Variants in SUPT3H observed in about 807,000 individuals in gnomAD.
SUPT3H encodes the protein SPT3 homolog, SAGA and STAGA complex component.
SUPT3H carries 44 observed loss-of-function variants against 44.3 expected under a neutral mutation model. The ratio of observed to expected loss-of-function variants is 0.99; its 90% confidence interval spans 0.78 to 1.28. The LOEUF (loss-of-function observed/expected upper bound fraction) is 1.28. Among genes scored for constraint, SUPT3H ranks in the 50% most tolerant of loss-of-function variants. The pLI is 0.00. For synonymous variants in SUPT3H, 124 were observed against 125.6 expected, an observed-to-expected ratio of 0.99 and a Z score of 0.09; for missense variants, 380 against 387.1, an observed-to-expected ratio of 0.98 and a Z score of 0.15.
intron 2 of SUPT3H, among the ~76,000 whole-genome samples, chr6:45,191,571 A>G (rs1815141647): frequency 6.6e-6 from 1 of 152,158 alleles, no homozygotes; most frequent in Non-Finnish European, 1.5e-5. Flanking sequence ...TTAGTTAATA[A>G]TAACATATCA....
chr6:45,343,097 C>T (rs1456245640), intron 2 of SUPT3H, among the ~76,000 whole-genome samples: 2 of 152,178 alleles, frequency 1.3e-5, no homozygotes, highest in Admixed American at 1.3e-4. Flanking sequence ...CTGACAAAAG[C>T]ATTACAATTA....
intron 2 of SUPT3H, among the ~76,000 whole-genome samples, chr6:45,205,253 G>A (rs1268596514): frequency 2.0e-5 from 3 of 152,116 alleles, no homozygotes; most frequent in Non-Finnish European, 2.9e-5. Context: ...TCTATCTACA[G>A]ATGCAAAGTA....
chr6:45,260,506 T>G (rs936283299), intron 2 of SUPT3H, among the ~76,000 whole-genome samples: 1 of 152,178 alleles, frequency 6.6e-6, no homozygotes, highest in African/African-American at 2.4e-5. Flanking sequence ...CATTGCTGAT[T>G]GAATGATAAT....
At chr6:45,142,969 G>A (rs1474877287) in intron 2 of SUPT3H, among the ~76,000 whole-genome samples, 1 of 151,482 alleles carries the variant, frequency 6.6e-6, no homozygotes, top group Non-Finnish European at 1.5e-5. Context: ...GACAAAGAGG[G>A]ACATTACATA....
intron 2 of SUPT3H, among the ~76,000 whole-genome samples, chr6:45,158,298 A>ATATATATATATATATATATAAT: frequency 2.0e-5 from 2 of 99,688 alleles, no homozygotes; most frequent in South Asian, 3.0e-4. Flanking sequence ...ATATATATAT[A>ATATATATATATATATATATAAT]TTTTTTTTTT....
At chr6:44,927,904 G>C (rs539375138) in intron 10 of SUPT3H, among the ~76,000 whole-genome samples, 2 of 152,290 alleles carry the variant, frequency 1.3e-5, no homozygotes, top group African/African-American at 4.8e-5. Context: ...GAGTGTGGTT[G>C]AGTGGAATGG....
chr6:45,110,426 C>T (rs1284973), intron 2 of SUPT3H, among the ~76,000 whole-genome samples: 98,119 of 151,980 alleles, frequency 0.65, 32,487 homozygotes, highest in African/African-American at 0.8. Flanking sequence ...AACATTTTTG[C>T]GCTATGTATA....
chr6:45,230,686 A>ATATATATATATAT (rs796866510), intron 2 of SUPT3H, among the ~76,000 whole-genome samples: 1 of 116,796 alleles, frequency 8.6e-6, no homozygotes, highest in South Asian at 3.1e-4. Flanking sequence ...ATATATATAT[A>ATATATATATATAT]TTTTTGAGAT....
chr6:44,928,909 A>AAAAAAAAAAAAG (rs1491361687), intron 10 of SUPT3H, among the ~76,000 whole-genome samples: 1 of 139,074 alleles, frequency 7.2e-6, no homozygotes, highest in African/African-American at 2.7e-5. Context: ...AAAAAAGAAA[A>AAAAAAAAAAAAG]GAAAAGAAAC....
rs573031995 is a variant in SUPT3H at position 45,300,764 on chromosome 6, C to G, written c.101+64437G>C. ...ACTGTACATTTTAAATTATGTATAC[C>G]TGATCGCAGATTTTTTAAAGGGCTG... is the stretch of plus-strand genomic sequence containing the variant. On this transcript the variant is annotated intron_variant, in intron 2 of 10. Transcript: ENST00000371459. Among the ~76,000 whole-genome samples, 3 of 152,124 alleles carry G rather than the reference C, an allele frequency of 2.0e-5. 1 individual carries two copies. The highest frequency in any genetic ancestry group is 2.0e-4 in the Admixed American group (3 of 15,270).
chr6:45,321,939 A>G, intron 2 of SUPT3H: 1 of 1,052,146 alleles, frequency 9.5e-7, no homozygotes, highest in African/African-American at 1.6e-5. Context: ...AACATATTAT[A>G]AATAAATACC....
chr6:44,876,877 T>C (rs1485874582), intron 10 of SUPT3H, among the ~76,000 whole-genome samples: 1 of 145,588 alleles, frequency 6.9e-6, no homozygotes, highest in Non-Finnish European at 1.5e-5. Flanking sequence ...GTGTATGACA[T>C]TGTATGAAAA....
intron 2 of SUPT3H, among the ~76,000 whole-genome samples, chr6:45,219,243 G>C (rs554312387): frequency 6.6e-6 from 1 of 152,142 alleles, no homozygotes; most frequent in East Asian, 1.9e-4. Context: ...AAATCATAAA[G>C]ATAAGACACA....
intron 10 of SUPT3H, among the ~76,000 whole-genome samples, chr6:44,902,961 A>G (rs1211979497): frequency 6.6e-6 from 1 of 152,202 alleles, no homozygotes; most frequent in East Asian, 1.9e-4. Flanking sequence ...AGGCAGAAAT[A>G]AAGATGTCCT....
intron 2 of SUPT3H, among the ~76,000 whole-genome samples, chr6:45,117,606 C>A (rs1801026469): frequency 6.6e-6 from 1 of 152,026 alleles, no homozygotes; most frequent in African/African-American, 2.4e-5. Flanking sequence ...AGAAAAACCA[C>A]CTGGCAATAA....
At chr6:45,117,301 T>C (rs6458419) in intron 2 of SUPT3H, among the ~76,000 whole-genome samples, 61,773 of 151,816 alleles carry the variant, frequency 0.41, 12,963 homozygotes, top group East Asian at 0.71. Flanking sequence ...TTGTCTGAAA[T>C]ATAACTCTCC....
At chr6:45,091,030 C>T (rs1233437186) in intron 3 of SUPT3H, among the ~76,000 whole-genome samples, 1 of 151,874 alleles carries the variant, frequency 6.6e-6, no homozygotes, top group Non-Finnish European at 1.5e-5. Context: ...GAAAAGTTCA[C>T]AATATTTTAA....
At chr6:44,979,957 A>AG in intron 6 of SUPT3H, among the ~76,000 whole-genome samples, 1 of 152,296 alleles carries the variant, frequency 6.6e-6, no homozygotes, top group East Asian at 1.9e-4. Flanking sequence ...TTATCAATCC[A>AG]GGGGGCTCAT....
chr6:44,979,658 A>G (rs1439283816), intron 6 of SUPT3H, among the ~76,000 whole-genome samples: 1 of 152,206 alleles, frequency 6.6e-6, no homozygotes, highest in Admixed American at 6.5e-5. Flanking sequence ...ACCCATTAAA[A>G]GGTGATGAGT....
Sources: allele counts gnomAD v4.1 joint callset (sites outside exome capture counted in the v4.1 genomes callset), GRCh38; gene constraint gnomAD v4.1.1; transcripts MANE v1.5; gene names NCBI Gene and HGNC (gene_info 2026-07-23, HGNC 2026-07-21).